RNF32: variants seen among roughly 807,000 people sequenced by gnomAD.
RNF32 encodes the protein ring finger protein 32.
RNF32 carries 36 observed loss-of-function variants against 41.0 expected under a neutral mutation model. The ratio of observed to expected loss-of-function variants is 0.88; its 90% CI spans 0.67 to 1.16. RNF32 has a LOEUF of 1.16. RNF32 is among the 50% of genes most tolerant of loss of function. The pLI is 0.00. For synonymous variants in RNF32, 154 were observed against 160.9 expected (o/e 0.96, Z 0.32); for missense variants, 413 against 436.7 (o/e 0.95, Z 0.48).
At chr7:156,647,757 T>C (rs1440980474) in intron 3 of RNF32, among the ~76,000 whole-genome samples, 5 of 152,234 alleles carry the variant, frequency 3.3e-5, no homozygotes, top group Admixed American at 1.3e-4. Context: ...GGAGTCTTCA[T>C]ACTGTTCTCC....
rs762728604 is a variant in RNF32 at position 156,657,516 on chromosome 7, C to T, written c.418-25C>T. ...GCTGCTTCTCTTTTGTAAACTTCAA[C>T]GTCGTTCTGTTTCCTCATGAACAGG... On this transcript the variant is annotated intron_variant, in intron 4 of 8. Coordinates refer to ENST00000317955, the MANE Select transcript of RNF32 (RefSeq NM_030936.4). 13 of 1,613,398 alleles carry T rather than the reference C, an allele frequency of 8.1e-6. 1 individual carries two copies. Among genetic ancestry groups the T allele is most frequent in the East Asian group, 2.2e-5 (1 of 44,896 alleles).
chr7:156,662,731 C>T (rs1245341714), intron 7 of RNF32, among the ~76,000 whole-genome samples: 1 of 151,710 alleles, frequency 6.6e-6, no homozygotes, highest in African/African-American at 2.4e-5. Context: ...ATTGAAATTA[C>T]TTCCTGTAAA....
Position 156,670,073 on chromosome 7 carries a change from AAATT to A in RNF32, c.685-5620_685-5617del, listed in dbSNP as rs902737605. On this transcript the variant is annotated intron_variant, in intron 7 of 8. Transcript: ENST00000317955. The surrounding 1 kb of genome is among the most constrained non-coding windows in gnomAD (Gnocchi z 4.3). The stretch of plus-strand genomic sequence containing the variant: ...GTTTATTTAATGTTATTCTAAGAAA[AAATT>A]AAATTATAAATTTTATGACTTTCAC... 6.6e-6 allele frequency among the ~76,000 whole-genome samples: 1 copy of A among 152,226 alleles called. No homozygotes were observed. The highest frequency in any genetic ancestry group is 2.4e-5 in the African/African-American group (1 of 41,452).
chr7:156,657,596 C>A (rs770614301), intron 5 of RNF32, 23 bp downstream of exon 5: 50 of 1,611,684 alleles, frequency 3.1e-5, no homozygotes, highest in Admixed American at 1.5e-4. Context: ...CTCACGCCTG[C>A]CCAGGTGCTG....
At chr7:156,656,675 G>A (rs781079965) in intron 4 of RNF32, among the ~76,000 whole-genome samples, 7 of 152,206 alleles carry the variant, frequency 4.6e-5, no homozygotes, top group African/African-American at 1.7e-4. Flanking sequence ...ATCCTGGGCC[G>A]GCTGAGATTG....
At chr7:156,645,770 GAGTA>G (rs1312643522) in intron 3 of RNF32, among the ~76,000 whole-genome samples, 1 of 152,186 alleles carries the variant, frequency 6.6e-6, no homozygotes, top group Non-Finnish European at 1.5e-5. Context: ...TATGTATTTA[GAGTA>G]AGACCAAAAC....
chr7:156,664,236 G>A (rs1801037097), intron 7 of RNF32, among the ~76,000 whole-genome samples: 1 of 151,984 alleles, frequency 6.6e-6, no homozygotes, highest in African/African-American at 2.4e-5. Context: ...CTGAGGCGGG[G>A]GCATCACGTG....
At chr7:156,649,165 T>A (rs1053321026) in intron 3 of RNF32, among the ~76,000 whole-genome samples, 2 of 152,176 alleles carry the variant, frequency 1.3e-5, no homozygotes, top group Admixed American at 1.3e-4. Context: ...TCTTTTTTTT[T>A]TTCCTAAAAC....
At position 156,669,638 on chromosome 7, in the gene RNF32, G is replaced by T. The variant is rs1448980336; in HGVS notation, c.685-6058G>T. On this transcript the variant is annotated intron_variant, in intron 7 of 8. Coordinates refer to ENST00000317955, the MANE Select transcript of RNF32 (RefSeq NM_030936.4). The surrounding 1 kb of genome is among the most constrained non-coding windows in gnomAD (Gnocchi z 4.2). ...TCAAGAGGGCGACCCACAGCCACGTGAACACTGGAAACTGCCCTCAGAGCC... is the reference window on the plus strand; with the variant it reads ...TCAAGAGGGCGACCCACAGCCACGTTAACACTGGAAACTGCCCTCAGAGCC... 6.6e-6 allele frequency among the ~76,000 whole-genome samples: 1 copy of T among 152,192 alleles called. No individual in the cohort carries two copies. The highest frequency in any genetic ancestry group is 6.5e-5 in the Admixed American group (1 of 15,278).
intron 4 of RNF32, 74 bp from the exon 5 acceptor site, chr7:156,657,467 C>A: frequency 7.1e-7 from 1 of 1,415,634 alleles, no homozygotes; most frequent in Non-Finnish European, 1.0e-6. Context: ...TCTAAGCATT[C>A]AGGATTTTAA....
At chr7:156,662,566 G>GC (rs1404984604) in intron 7 of RNF32, among the ~76,000 whole-genome samples, 1 of 151,954 alleles carries the variant, frequency 6.6e-6, no homozygotes, top group Admixed American at 6.6e-5. Context: ...TCACTCTCTT[G>GC]CGTGTGCTTT....
intron 7 of RNF32, among the ~76,000 whole-genome samples, chr7:156,674,510 C>A (rs1803352639): frequency 6.6e-6 from 1 of 152,166 alleles, no homozygotes; most frequent in Non-Finnish European, 1.5e-5. Flanking sequence ...GCTGGTGTGG[C>A]CCTGAATGAG....
chr7:156,640,212 A>T, upstream of RNF32: 1 of 453,192 alleles, frequency 2.2e-6, no homozygotes, highest in Non-Finnish European at 4.4e-6. Context: ...GCGCGGGGGG[A>T]TCGGGGGATC....
upstream of RNF32, chr7:156,640,343 C>A (rs889948002): frequency 1.6e-5 from 7 of 449,098 alleles, no homozygotes; most frequent in Non-Finnish European, 3.1e-5. Context: ...GGTGGGCGGG[C>A]GGCTGAGGAG....
chr7:156,651,720 C>T (rs561852442), intron 3 of RNF32, among the ~76,000 whole-genome samples: 2 of 152,276 alleles, frequency 1.3e-5, no homozygotes, highest in South Asian at 2.1e-4. Flanking sequence ...TTACAGTTTC[C>T]TTCTCAGACA....
intron 7 of RNF32, among the ~76,000 whole-genome samples, chr7:156,665,099 A>G (rs1365382644): frequency 7.2e-5 from 11 of 152,358 alleles, no homozygotes; most frequent in South Asian, 2.1e-4. Flanking sequence ...TATATTTCCA[A>G]AAGTTCTTCA....
chr7:156,652,038 T>A (rs1255499039), intron 3 of RNF32, among the ~76,000 whole-genome samples: 1 of 152,200 alleles, frequency 6.6e-6, no homozygotes, highest in Admixed American at 6.5e-5. Context: ...GCGACGCTTC[T>A]CTGTCAGTAG....
At chr7:156,649,323 A>G (rs948365323) in intron 3 of RNF32, among the ~76,000 whole-genome samples, 1 of 152,060 alleles carries the variant, frequency 6.6e-6, no homozygotes, top group Non-Finnish European at 1.5e-5. Flanking sequence ...TCTGATTCCT[A>G]GGGGTTTTCT....
At chr7:156,674,160 A>G (rs1189765859) in intron 7 of RNF32, among the ~76,000 whole-genome samples, 1 of 152,202 alleles carries the variant, frequency 6.6e-6, no homozygotes, top group African/African-American at 2.4e-5. Flanking sequence ...TGAAAGCCAG[A>G]GCTTCGGTCT....
Sources: gnomAD v4.1 joint callset for allele counts (sites outside exome capture counted in the v4.1 genomes callset) on GRCh38, gnomAD v4.1.1 for gene constraint, Gnocchi (gnomAD v3.1) non-coding constraint, MANE v1.5 for transcripts, NCBI Gene and HGNC (gene_info 2026-07-23, HGNC 2026-07-21) for gene names.